Variants in NBL1 observed in about 807,000 individuals in gnomAD.
NBL1 encodes NBL1, DAN family BMP antagonist, also known as neuroblastoma suppressor of tumorigenicity 1.
NBL1 carries 9 observed loss-of-function variants against 16.0 expected under a neutral mutation model. The ratio of observed to expected loss-of-function variants is 0.56; its 90% CI spans 0.34 to 0.98. The LOEUF is 0.98. Ranked by LOEUF, NBL1 falls within the 50% of genes least tolerant of loss-of-function variation. The probability of loss-of-function intolerance (pLI) is 0.02; values close to 1 mark genes in which losing one functional copy is unlikely to be tolerated. For missense variants in NBL1, 196 were observed against 243.1 expected (o/e 0.81, Z 1.29); for synonymous variants, 86 against 100.7 (o/e 0.85, Z 0.87).
At chr1:19,647,541 A>G in intron 1 of NBL1, 2 of 913,566 alleles carry the variant, frequency 2.2e-6, no homozygotes, top group Non-Finnish European at 2.6e-6. Context: ...GCCCTTAGTG[A>G]GTGTGGGGGG....
intron 3 of NBL1, among the ~76,000 whole-genome samples, chr1:19,656,436 G>A (rs920679606): frequency 6.6e-6 from 1 of 151,308 alleles, no homozygotes; most frequent in Non-Finnish European, 1.5e-5. Flanking sequence ...CAGGCAAAGG[G>A]AACAGCATGT....
At position 19,646,080 on chromosome 1, in the gene NBL1, C is replaced by T. The variant is rs919717995; in HGVS notation, c.-20+1634C>T. 8 of 1,547,252 alleles carry T rather than the reference C, an allele frequency of 5.2e-6. No individual in the cohort carries two copies. The Admixed American group carries it at 7.8e-5, about 15-fold the overall frequency. ...GTTTGGGGGCTGGCACAGAGGTGGT[C>T]AGGGCTGGAAGATGCAGGCAGGCCT... On this transcript the variant is annotated intron_variant, in intron 1 of 3. Transcript: ENST00000375136.
chr1:19,652,896 G>A (rs112118255), intron 1 of NBL1, among the ~76,000 whole-genome samples: 10,617 of 152,156 alleles, frequency 0.07, 659 homozygotes, highest in African/African-American at 0.16. Flanking sequence ...GCTGAGGCAG[G>A]AGAATCACTT....
At chr1:19,647,880 T>C (rs77791778) in intron 1 of NBL1, among the ~76,000 whole-genome samples, 2,258 of 144,338 alleles carry the variant, frequency 0.016, 16 homozygotes, top group Middle Eastern at 0.049. Flanking sequence ...TGTGTGTGTG[T>C]GTGCGTGTGC....
At chr1:19,651,294 T>C (rs2095024107) in intron 1 of NBL1, among the ~76,000 whole-genome samples, 2 of 152,134 alleles carry the variant, frequency 1.3e-5, no homozygotes, top group African/African-American at 4.8e-5. Flanking sequence ...CCCAGCGCCC[T>C]GCGGAGAGCC....
Position 19,644,585 on chromosome 1 carries a change from C to CGGGTG in NBL1, c.-20+140_-20+141insGGTGG. ...GGGCACCGGGTGGAGGCGCCGCCGC[C>CGGGTG]GAGCTCAGGAGCCCTGGGGGACCTG... On this transcript the variant is annotated intron_variant, in intron 1 of 3. Coordinates refer to ENST00000375136, the MANE Select transcript of NBL1 (RefSeq NM_005380.8). This position sits in a 1 kb window ranked among gnomAD's most constrained non-coding sequence, Gnocchi z 4.6. 1 of 399,846 alleles carries CGGGTG rather than the reference C, an allele frequency of 2.5e-6. No individual in the cohort carries two copies. The highest frequency in any genetic ancestry group is 2.1e-5 in the African/African-American group (1 of 46,520). The allele number at this position is 399,846 out of a possible 1,614,324, so 24.8% of individuals were successfully genotyped here. A position where few individuals can be genotyped will look rare whatever the true frequency, so the allele number is the denominator to read the frequency against.
intron 1 of NBL1, chr1:19,645,828 A>G: frequency 6.8e-7 from 1 of 1,480,282 alleles, no homozygotes; most frequent in Non-Finnish European, 9.0e-7. Context: ...TCGCCTCATT[A>G]TTTTAAAGTG....
chr1:19,655,294 A>T, intron 2 of NBL1, 30 bp from the exon 3 acceptor site: 1 of 1,613,446 alleles, frequency 6.2e-7, no homozygotes, highest in Non-Finnish European at 8.5e-7. Context: ...CCCAACAGTG[A>T]CACAGGCATG....
chr1:19,649,930 G>A (rs906782685), intron 1 of NBL1, among the ~76,000 whole-genome samples: 27 of 151,792 alleles, frequency 1.8e-4, no homozygotes, highest in African/African-American at 5.3e-4. Flanking sequence ...CAAAGTGCTG[G>A]GATTACAGGT....
In NBL1 at chr1:19,644,387, C is replaced by T; in HGVS notation, c.-79C>T. The stretch of plus-strand genomic sequence containing the variant: ...CCTGCCGGCCGCCTCGCCGAGCCTC[C>T]TGGGGCGCCCGGGCCCGCGACCCCC... On this transcript the variant is annotated 5_prime_UTR_variant, in exon 1 of 4. Coordinates refer to ENST00000375136, the MANE Select transcript of NBL1 (RefSeq NM_005380.8). The surrounding 1 kb of genome is among the most constrained non-coding windows in gnomAD (Gnocchi z 4.6). The T allele has an allele frequency of 2.0e-6, 2 of 978,830 alleles. No individual in the cohort carries two copies. The highest frequency in any genetic ancestry group is 1.2e-6 in the Non-Finnish European group (1 of 827,218). The allele number at this position is 978,830 out of a possible 1,614,324, so 60.6% of individuals were successfully genotyped here.
At chr1:19,643,576 G>A (rs2094960439), upstream of NBL1, 1 of 1,410,938 alleles carries the variant, frequency 7.1e-7, no homozygotes, top group Non-Finnish European at 9.2e-7. The surrounding 1 kb of genome is among the most constrained non-coding windows in gnomAD (Gnocchi z 4.7). Flanking sequence ...CCCCCGAGGT[G>A]AGGCTGGAAG....
Position 19,658,409 on chromosome 1 carries a change from C to T in NBL1, c.*1280C>T, listed in dbSNP as rs574355802. On this transcript the variant is annotated 3_prime_UTR_variant, in exon 4 of 4. Transcript: ENST00000375136. The stretch of plus-strand genomic sequence containing the variant: ...AGCTTGTCACCATTGGACAGTCTCC[C>T]TGATGGACCCTCAGTCTTCTCATGA... 6.5e-6 allele frequency: 1 copy of T among 152,784 alleles called. No homozygotes were observed. Among genetic ancestry groups the T allele is most frequent in the South Asian group, 2.1e-4 (1 of 4,822 alleles). 9.5% of individuals were successfully genotyped at this position (152,784 alleles called of 1,614,324 possible).
upstream of NBL1, chr1:19,643,798 A>C: frequency 9.9e-7 from 1 of 1,010,714 alleles, no homozygotes; most frequent in Non-Finnish European, 1.2e-6. The surrounding 1 kb of genome is among the most constrained non-coding windows in gnomAD (Gnocchi z 4.7). Context: ...AGCGGACGGG[A>C]TGAGGTGCAC....
intron 1 of NBL1, among the ~76,000 whole-genome samples, chr1:19,653,456 G>A (rs180800545): frequency 6.2e-4 from 94 of 152,282 alleles, no homozygotes; most frequent in African/African-American, 2.2e-3. Flanking sequence ...GCCTCATCCA[G>A]GCCCCTCTAG....
At chr1:19,650,774 C>CA (rs2095019196) in intron 1 of NBL1, among the ~76,000 whole-genome samples, 1 of 151,010 alleles carries the variant, frequency 6.6e-6, no homozygotes, top group South Asian at 2.1e-4. Context: ...CTTGAAAAAA[C>CA]AAAAAAGCGT....
chr1:19,647,885 G>GCA (rs1452810398), intron 1 of NBL1, among the ~76,000 whole-genome samples: 2,529 of 143,288 alleles, frequency 0.018, 57 homozygotes, highest in East Asian at 0.067. Flanking sequence ...GTGTGTGTGC[G>GCA]TGTGCGCGCG....
At position 19,658,058 on chromosome 1, in the gene NBL1, A is replaced by G. The variant is rs1336315084; in HGVS notation, c.*929A>G. The G allele has an allele frequency of 6.5e-6, 1 of 152,680 alleles. No homozygotes were observed. Among genetic ancestry groups the G allele is most frequent in the Non-Finnish European group, 1.5e-5 (1 of 68,076 alleles). 9.5% of individuals were successfully genotyped at this position (152,680 alleles called of 1,614,324 possible). On this transcript the variant is annotated 3_prime_UTR_variant, in exon 4 of 4. Transcript: ENST00000375136. ...GTGAGGGGTTACCTCCCTCGCCCCA[A>G]GGTTCCAGAGGCCCTAGGCGGGATG...
At chr1:19,643,778 C>A, upstream of NBL1, 1 of 1,012,074 alleles carries the variant, frequency 9.9e-7, no homozygotes, top group Non-Finnish European at 1.2e-6. This position sits in a 1 kb window ranked among gnomAD's most constrained non-coding sequence, Gnocchi z 4.7. Flanking sequence ...TGAACCGGGT[C>A]GCATGCCGGA....
intron 1 of NBL1, among the ~76,000 whole-genome samples, chr1:19,653,778 G>A (rs1164537071): frequency 6.6e-6 from 1 of 152,236 alleles, no homozygotes; most frequent in East Asian, 1.9e-4. Context: ...TCCCTCTCCC[G>A]TGCTTTTTGC....
Sources: gnomAD v4.1 joint callset for allele counts (sites outside exome capture counted in the v4.1 genomes callset) on GRCh38, gnomAD v4.1.1 for gene constraint, Gnocchi (gnomAD v3.1) non-coding constraint, MANE v1.5 for transcripts, NCBI Gene and HGNC (gene_info 2026-07-23, HGNC 2026-07-21) for gene names.